LBP: variants seen among roughly 807,000 people sequenced by gnomAD.
The protein encoded by LBP is lipopolysaccharide binding protein, also known as lipopolysaccharide-binding protein.
LBP carries 53 observed loss-of-function variants against 56.6 expected under a neutral mutation model. The observed-to-expected ratio is 0.94, with a 90% CI of 0.75 to 1.18. The LOEUF is 1.18. Among genes scored for constraint, LBP ranks in the 50% most tolerant of loss-of-function variants. The pLI is 0.00. For synonymous variants in LBP, 227 were observed against 247.5 expected (o/e 0.92, Z 0.78); for missense variants, 601 against 598.3 (o/e 1.00, Z -0.05).
In LBP at chr20:38,358,474, T is replaced by C. The variant is rs527702899; in HGVS notation, c.589-2230T>C. Among the ~76,000 whole-genome samples the C allele has an allele frequency of 3.9e-5, 6 of 152,216 alleles. No individual in the cohort carries two copies. The South Asian group carries it at 6.2e-4, about 16-fold the overall frequency. On this transcript the variant is annotated intron_variant, in intron 5 of 14. Coordinates refer to ENST00000217407, the MANE Select transcript of LBP (RefSeq NM_004139.5). ...TTTGGGATGGTCTGATGGGCTACTG[T>C]CTGAAGGAAAGGCAAGAAAGGAGCG...
chr20:38,376,305 G>T lies in LBP; in HGVS notation c.1402-320G>T, dbSNP rs571198557. Reference sequence around the variant, plus strand: ...GGTGATGGAAACGTAAGAAGAGCAGGAGAGTACACCCTAGCAGTTCACAAT... The same window carrying T: ...GGTGATGGAAACGTAAGAAGAGCAGTAGAGTACACCCTAGCAGTTCACAAT... On this transcript the variant is annotated intron_variant, in intron 14 of 14. Coordinates refer to ENST00000217407, the MANE Select transcript of LBP (RefSeq NM_004139.5). 2.0e-4 allele frequency among the ~76,000 whole-genome samples: 30 copies of T among 152,306 alleles called. No homozygotes were observed. The South Asian group carries it at 6.0e-3, about 30-fold the overall frequency.
chr20:38,376,098 A>G (rs1405805486), intron 14 of LBP, among the ~76,000 whole-genome samples: 1 of 152,236 alleles, frequency 6.6e-6, no homozygotes, highest in Non-Finnish European at 1.5e-5. Flanking sequence ...TTAGAGGGCA[A>G]GTATGATAGC....
chr20:38,376,622 T>G lies in LBP; in HGVS notation c.1402-3T>G. 1 of 1,613,824 alleles carries G rather than the reference T, an allele frequency of 6.2e-7. No individual in the cohort carries two copies. The highest frequency in any genetic ancestry group is 8.5e-7 in the Non-Finnish European group (1 of 1,179,694). On this transcript the variant is annotated splice_polypyrimidine_tract_variant and splice_region_variant and intron_variant, in intron 14 of 14. Transcript: ENST00000217407. The stretch of plus-strand genomic sequence containing the variant: ...CCATCCTGTCCTGTCCTGTTTTTCC[T>G]AGGACTTCCTGTTCTTGGGTGCCAA...
intron 8 of LBP, among the ~76,000 whole-genome samples, chr20:38,366,336 G>A (rs113365137): frequency 3.3e-5 from 5 of 152,280 alleles, no homozygotes; most frequent in African/African-American, 1.2e-4. Context: ...TAATAGCTAC[G>A]TTTTATGGAG....
intron 8 of LBP, among the ~76,000 whole-genome samples, chr20:38,365,974 C>A (rs1455905086): frequency 6.6e-6 from 1 of 151,998 alleles, no homozygotes; most frequent in Admixed American, 6.6e-5. Context: ...TCCTCACACC[C>A]CCAAAACAAC....
intron 3 of LBP, among the ~76,000 whole-genome samples, chr20:38,353,184 A>G (rs1032178950): frequency 1.3e-5 from 2 of 152,212 alleles, no homozygotes; most frequent in Non-Finnish European, 2.9e-5. Flanking sequence ...AAATTCACGG[A>G]ACATAAAATT....
At chr20:38,367,248 G>A (rs2076885475) in intron 9 of LBP, among the ~76,000 whole-genome samples, 1 of 152,130 alleles carries the variant, frequency 6.6e-6, no homozygotes, top group African/African-American at 2.4e-5. Flanking sequence ...GAGTCCAGGA[G>A]TTCAAGACCA....
At chr20:38,375,435 G>C (rs1381429079) in intron 14 of LBP, among the ~76,000 whole-genome samples, 1 of 151,870 alleles carries the variant, frequency 6.6e-6, no homozygotes, top group Non-Finnish European at 1.5e-5. Flanking sequence ...ACAAAAATTA[G>C]CTGGGCATGG....
Position 38,354,327 on chromosome 20 carries a change from A to G in LBP, c.412A>G (p.Ile138Val), listed in dbSNP as rs2076830841. The G allele has an allele frequency of 1.2e-6, 2 of 1,613,646 alleles. No individual in the cohort carries two copies. Among genetic ancestry groups the G allele is most frequent in the African/African-American group, 1.3e-5 (1 of 74,888 alleles). The change falls in exon 4 of 15, where the codon ATT becomes GTT. Residue 138 changes from isoleucine to valine, a missense_variant. By Grantham distance (29) the Ile-to-Val change is conservative. Coordinates refer to ENST00000217407, the MANE Select transcript of LBP (RefSeq NM_004139.5). Reference protein sequence around the residue: ...SFDVSVKGISISVNLLLGSES... With the variant: ...SFDVSVKGISVSVNLLLGSES... ...TGATGTCAGTGTCAAGGGCATCAGC[A>G]TTTCGGTCAACCTCCTGTTGGGCAG...
At chr20:38,362,546 G>T (rs1390267228) in intron 6 of LBP, among the ~76,000 whole-genome samples, 1 of 151,144 alleles carries the variant, frequency 6.6e-6, no homozygotes, top group Non-Finnish European at 1.5e-5. Flanking sequence ...CTGGGAGGCG[G>T]AGTTTGCGGT....
At position 38,360,732 on chromosome 20, in the gene LBP, C is replaced by G. The variant is rs2076857081; in HGVS notation, c.617C>G (p.Ser206Cys). The G allele has an allele frequency of 6.2e-7, 1 of 1,613,140 alleles. No homozygotes were observed. The highest frequency in any genetic ancestry group is 8.5e-7 in the Non-Finnish European group (1 of 1,179,156). The change falls in exon 6 of 15, where the codon TCC (serine) becomes TGC (cysteine). Residue 206 changes from serine (S) to cysteine (C), a missense_variant. By Grantham distance (112) the Ser-to-Cys change is moderately radical (BLOSUM62 -1). Transcript: ENST00000217407. ...RICEMIQKSV[S>C]SDLQPYLQTL... ...TGCGAAATGATCCAGAAATCAGTGT[C>G]CTCCGATCTACAGCCTTATCTCCAA...
chr20:38,351,611 A>G (rs2076820710), intron 3 of LBP, among the ~76,000 whole-genome samples: 1 of 152,168 alleles, frequency 6.6e-6, no homozygotes, highest in Admixed American at 6.5e-5. Flanking sequence ...CTGGAGGCTG[A>G]GGGCCAAGGT....
At position 38,353,479 on chromosome 20, in the gene LBP, C is replaced by CT. The variant is rs35504317; in HGVS notation, c.369-777dup. On this transcript the variant is annotated intron_variant, in intron 3 of 14. Coordinates refer to ENST00000217407, the MANE Select transcript of LBP (RefSeq NM_004139.5). Reference sequence around the variant, plus strand: ...TGCTAGCGGACATGTAGGCTGCTTCCTTTTTTTTTTTTTTTTTTTTTTTTT... The same window carrying CT: ...TGCTAGCGGACATGTAGGCTGCTTCCTTTTTTTTTTTTTTTTTTTTTTTTTT... Among the ~76,000 whole-genome samples, 11 of 69,132 alleles carry CT rather than the reference C, an allele frequency of 1.6e-4. 1 individual carries two copies. The East Asian group carries it at 1.7e-3, about 11-fold the overall frequency. 45.4% of individuals were successfully genotyped at this position (69,132 alleles called of 152,430 possible).
At chr20:38,364,101 C>T (rs765368088) in intron 7 of LBP, 35 bp downstream of exon 7, 2 of 1,448,806 alleles carry the variant, frequency 1.4e-6, no homozygotes, top group Admixed American at 1.7e-5. Flanking sequence ...GTGGGTGAGG[C>T]TTTCCCTCAG....
rs1246735555 is a variant in LBP, at chr20:38,349,616, G to C, written c.193G>C (p.Asp65His). The C allele has an allele frequency of 6.2e-7, 1 of 1,611,882 alleles. No homozygotes were observed. The highest frequency in any genetic ancestry group is 8.5e-7 in the Non-Finnish European group (1 of 1,179,286). The change falls in exon 2 of 15, where the codon GAC becomes CAC. Residue 65 changes from aspartate to histidine, a missense_variant. Physicochemically the swap from Asp to His is moderately conservative, Grantham distance 81. Transcript: ENST00000217407. ...LRITLPDFTG[D>H]LRIPHVGRGR... Reference sequence around the variant, plus strand: ...GATCACGCTGCCTGACTTCACCGGGGACTTGAGGATCCCCCACGTCGGCCG... The same window carrying C: ...GATCACGCTGCCTGACTTCACCGGGCACTTGAGGATCCCCCACGTCGGCCG...
chr20:38,370,821 A>G lies in LBP; in HGVS notation c.1217+16A>G, dbSNP rs764276793. On this transcript the variant is annotated intron_variant, in intron 11 of 14. Coordinates refer to ENST00000217407, the MANE Select transcript of LBP (RefSeq NM_004139.5). The stretch of plus-strand genomic sequence containing the variant: ...AGCCAGGAAAGTAAGTTGGCCTCCT[A>G]CCTACATGGGGGTGCCCAGCTGGAC... 8.1e-6 allele frequency: 13 copies of G among 1,607,902 alleles called. No homozygotes were observed. The South Asian group carries it at 1.3e-4, about 16-fold the overall frequency.
intron 3 of LBP, among the ~76,000 whole-genome samples, chr20:38,351,821 G>A (rs1340282220): frequency 4.6e-5 from 7 of 152,074 alleles, no homozygotes; most frequent in Non-Finnish European, 8.8e-5. Context: ...AGGAGTTCAA[G>A]ACCAGCCTGG....
intron 12 of LBP, among the ~76,000 whole-genome samples, chr20:38,372,597 C>A (rs1341561496): frequency 6.6e-6 from 1 of 152,132 alleles, no homozygotes; most frequent in Non-Finnish European, 1.5e-5. Context: ...GCCTCAGTTT[C>A]CCGATATATG....
chr20:38,356,556 G>A lies in LBP; in HGVS notation c.588+1147G>A, dbSNP rs144732000. On this transcript the variant is annotated intron_variant, in intron 5 of 14. Transcript: ENST00000217407. ...CCGCATTTTGGGTGTGGCCAGCTGT[G>A]CTCTTTCTTTTCTGGTTCTGGGTCC... is the stretch of plus-strand genomic sequence containing the variant. Among the ~76,000 whole-genome samples the A allele has an allele frequency of 4.9e-3, 739 of 152,126 alleles. 10 individuals are homozygous for A. Among genetic ancestry groups the A allele is most frequent in the African/African-American group, 0.017 (707 of 41,486 alleles).
Sources: gnomAD v4.1 joint callset for allele counts (sites outside exome capture counted in the v4.1 genomes callset) on GRCh38, gnomAD v4.1.1 for gene constraint, MANE v1.5 for transcripts, NCBI Gene and HGNC (gene_info 2026-07-23, HGNC 2026-07-21) for gene names.